DPY19L1: variants seen among roughly 807,000 people sequenced by gnomAD.
DPY19L1 encodes the protein dpy-19 like C-mannosyltransferase 1, also known as protein C-mannosyl-transferase DPY19L1.
In DPY19L1, 35 loss-of-function variants were observed where a neutral mutation model predicts 96.9. The observed-to-expected ratio is 0.36, with a 90% confidence interval of 0.28 to 0.48. DPY19L1 has a LOEUF of 0.48. Among genes scored for constraint, DPY19L1 ranks in the 20% least tolerant of loss-of-function variants. The probability of loss-of-function intolerance (pLI) is 0.99; values close to 1 mark genes in which losing one functional copy is unlikely to be tolerated. For synonymous variants in DPY19L1, 205 were observed against 252.6 expected (o/e 0.81, Z 1.79); for missense variants, 521 against 777.9 (o/e 0.67, Z 3.93).
intron 1 of DPY19L1, among the ~76,000 whole-genome samples, chr7:35,028,857 G>A (rs1486569137): frequency 6.6e-6 from 1 of 152,204 alleles, no homozygotes; most frequent in Admixed American, 6.5e-5. Context: ...AGACCATATA[G>A]CCTAACTTCC....
At chr7:34,934,023 G>A (rs1028040295) in intron 21 of DPY19L1, among the ~76,000 whole-genome samples, 1 of 152,084 alleles carries the variant, frequency 6.6e-6, no homozygotes, top group African/African-American at 2.4e-5. Context: ...GAGTGCAGTG[G>A]TGTGATCTCG....
intron 6 of DPY19L1, among the ~76,000 whole-genome samples, chr7:35,007,133 A>T (rs1196985861): frequency 6.6e-6 from 1 of 152,220 alleles, no homozygotes; most frequent in Non-Finnish European, 1.5e-5. Flanking sequence ...ACTTCAGGTC[A>T]AAAAACATAC....
intron 21 of DPY19L1, among the ~76,000 whole-genome samples, chr7:34,932,194 A>C (rs1423037605): frequency 6.6e-6 from 1 of 152,204 alleles, no homozygotes; most frequent in African/African-American, 2.4e-5. Context: ...TAATGAACAA[A>C]TATGCTTAGT....
rs548628713 is a variant in DPY19L1 at position 34,981,682 on chromosome 7, G to A, written c.823-8077C>T. 3.9e-5 allele frequency among the ~76,000 whole-genome samples: 6 copies of A among 152,342 alleles called. No individual in the cohort carries two copies. The South Asian group carries it at 1.2e-3, about 32-fold the overall frequency. On this transcript the variant is annotated intron_variant, in intron 7 of 21. Coordinates refer to ENST00000638088, the MANE Select transcript of DPY19L1 (RefSeq NM_001366673.1). The stretch of plus-strand genomic sequence containing the variant: ...AATGTCTAATCTGGCTGGGCGTGGT[G>A]GCTCATGCCTGTAATCCCAACACTT...
chr7:34,998,364 T>A (rs1358068053), intron 6 of DPY19L1, among the ~76,000 whole-genome samples: 1 of 152,158 alleles, frequency 6.6e-6, no homozygotes, highest in Non-Finnish European at 1.5e-5. Flanking sequence ...GCAGCCCCCA[T>A]TAAATGTAGA....
intron 6 of DPY19L1, among the ~76,000 whole-genome samples, chr7:34,996,271 G>GCT (rs778941130): frequency 1.3e-5 from 2 of 152,136 alleles, no homozygotes; most frequent in Non-Finnish European, 2.9e-5. Context: ...TGTCATTGTT[G>GCT]CTCTTGGTAC....
intron 20 of DPY19L1, 70 bp downstream of exon 20, chr7:34,939,206 G>A: frequency 2.3e-6 from 3 of 1,325,314 alleles, no homozygotes; most frequent in Non-Finnish European, 2.1e-6. Flanking sequence ...TTATTACTTT[G>A]CTGGTGTCCT....
At chr7:34,966,039 A>AT (rs1003089781) in intron 10 of DPY19L1, among the ~76,000 whole-genome samples, 26 of 150,018 alleles carry the variant, frequency 1.7e-4, no homozygotes, top group Middle Eastern at 3.4e-3. Context: ...CTTTTTTTGT[A>AT]TTTTTTTTTA....
chr7:34,947,831 C>T (rs1461131498), intron 14 of DPY19L1, 130 bp from the exon 15 acceptor site: 1 of 693,634 alleles, frequency 1.4e-6, no homozygotes, highest in South Asian at 2.0e-5. Flanking sequence ...TCACTGACTG[C>T]CATCATAAAA....
At chr7:34,974,186 A>G (rs1259382550) in intron 7 of DPY19L1, among the ~76,000 whole-genome samples, 1 of 152,186 alleles carries the variant, frequency 6.6e-6, no homozygotes, top group Non-Finnish European at 1.5e-5. Flanking sequence ...CTTTCTGAAA[A>G]GCTCACTTTG....
At position 34,989,926 on chromosome 7, in the gene DPY19L1, T is replaced by C; in HGVS notation, c.780A>G (p.Gly260=). The stretch of plus-strand genomic sequence containing the variant: ...AGAAGCACAACACTGTAACCAGGCC[T>C]CCTAATCGGCTGCCACTGGAAAAGA... ...YGTYLSGSRL[G]GLVTVLCFFF... Residue 260 remains glycine, a synonymous_variant, in exon 7 of 22, where the codon GGA becomes GGG. Transcript: ENST00000638088. 1 of 1,609,098 alleles carries C rather than the reference T, an allele frequency of 6.2e-7. No homozygotes were observed. Among genetic ancestry groups the C allele is most frequent in the Non-Finnish European group, 8.5e-7 (1 of 1,178,526 alleles).
intron 6 of DPY19L1, among the ~76,000 whole-genome samples, chr7:34,999,909 C>T (rs1465777602): frequency 6.6e-6 from 1 of 152,090 alleles, no homozygotes; most frequent in South Asian, 2.1e-4. Context: ...TATGGTTTTA[C>T]GTATCAGAAT....
intron 10 of DPY19L1, among the ~76,000 whole-genome samples, chr7:34,963,584 G>A (rs1166286457): frequency 3.3e-5 from 5 of 151,820 alleles, no homozygotes; most frequent in Non-Finnish European, 5.9e-5. Flanking sequence ...CCAAGTATCC[G>A]TGAATGAACT....
chr7:34,959,909 ATAT>A (rs1562806873), intron 10 of DPY19L1, among the ~76,000 whole-genome samples: 1 of 116,990 alleles, frequency 8.5e-6, no homozygotes, highest in Non-Finnish European at 1.7e-5. Context: ...ATATATATAT[ATAT>A]ATATATATAT....
rs778923345 is a variant in DPY19L1 at position 34,999,096 on chromosome 7, GAAGA to G, written c.765-9159_765-9156del. On this transcript the variant is annotated intron_variant, in intron 6 of 21. Transcript: ENST00000638088. ...ACTAAAAAAAGTTTTCCTCCAAAGT[GAAGA>G]AAGTAAGTGCCCAGATAGAGCGCAC... is the stretch of plus-strand genomic sequence containing the variant. Among the ~76,000 whole-genome samples the G allele has an allele frequency of 7.9e-5, 12 of 152,324 alleles. No homozygotes were observed. The East Asian group carries it at 1.4e-3, about 17-fold the overall frequency.
At chr7:35,000,394 T>C (rs1238944133) in intron 6 of DPY19L1, 1 of 152,198 alleles carries the variant, frequency 6.6e-6, no homozygotes, top group Admixed American at 6.5e-5. Flanking sequence ...TCATCTTACC[T>C]GGAGAATGAG....
intron 5 of DPY19L1, among the ~76,000 whole-genome samples, chr7:35,011,010 T>C (rs1327406898): frequency 6.6e-6 from 1 of 152,198 alleles, no homozygotes; most frequent in Non-Finnish European, 1.5e-5. Flanking sequence ...AAAGGCCACA[T>C]GTAGGTGTCC....
intron 21 of DPY19L1, among the ~76,000 whole-genome samples, chr7:34,935,096 T>A (rs1357140441): frequency 2.0e-5 from 3 of 152,228 alleles, no homozygotes; most frequent in Admixed American, 6.5e-5. Context: ...TGGCTGGGCA[T>A]GGGTTTTCTA....
At chr7:34,998,002 G>T in intron 6 of DPY19L1, among the ~76,000 whole-genome samples, 1 of 152,130 alleles carries the variant, frequency 6.6e-6, no homozygotes, top group East Asian at 1.9e-4. Context: ...ATTAAAAAGG[G>T]CTTTGACATA....
Sources: gnomAD v4.1 joint callset for allele counts (sites outside exome capture counted in the v4.1 genomes callset) on GRCh38, gnomAD v4.1.1 for gene constraint, MANE v1.5 for transcripts, NCBI Gene and HGNC (gene_info 2026-07-23, HGNC 2026-07-21) for gene names.